Variants in GNAI1 observed in about 807,000 individuals in gnomAD.
GNAI1 encodes G protein subunit alpha i1.
Under a neutral mutation model 38.9 loss-of-function variants are expected in GNAI1, and 11 were observed. That is an observed-to-expected ratio of 0.28 (90% CI 0.18 to 0.47). The LOEUF is 0.47. Ranked by LOEUF, GNAI1 falls within the 20% of genes least tolerant of loss-of-function variation. GNAI1 has a pLI of 0.99. For synonymous variants in GNAI1, 166 were observed against 145.1 expected, an observed-to-expected ratio of 1.14 and a Z score of -1.04; for missense variants, 317 against 436.9, an observed-to-expected ratio of 0.73 and a Z score of 2.45.
intron 1 of GNAI1, among the ~76,000 whole-genome samples, chr7:80,175,729 A>G (rs1025347821): frequency 5.3e-5 from 8 of 152,080 alleles, no homozygotes; most frequent in African/African-American, 1.9e-4. Context: ...TTACTATTCT[A>G]ATTGTTTTAG....
At chr7:80,163,340 A>G (rs1459099465) in intron 1 of GNAI1, among the ~76,000 whole-genome samples, 2 of 152,202 alleles carry the variant, frequency 1.3e-5, no homozygotes, top group Non-Finnish European at 2.9e-5. Context: ...TACCAAATGC[A>G]GGTGTCTTCT....
chr7:80,190,992 A>T (rs1030652748), intron 3 of GNAI1, among the ~76,000 whole-genome samples: 3 of 151,752 alleles, frequency 2.0e-5, no homozygotes, highest in Non-Finnish European at 2.9e-5. Context: ...TTGGAATCTT[A>T]TGTGGGCCTG....
At chr7:80,186,264 C>T (rs1012489076) in intron 1 of GNAI1, among the ~76,000 whole-genome samples, 5 of 152,062 alleles carry the variant, frequency 3.3e-5, no homozygotes, top group African/African-American at 1.2e-4. Flanking sequence ...AACTCTTGTC[C>T]TCGTGATCTG....
At chr7:80,198,448 G>A (rs1482904581) in intron 3 of GNAI1, among the ~76,000 whole-genome samples, 1 of 152,080 alleles carries the variant, frequency 6.6e-6, no homozygotes. Context: ...TTGATTACTT[G>A]TGGATCAGAA....
At position 80,217,580 on chromosome 7, in the gene GNAI1, A is replaced by G. The variant is rs1243114839; in HGVS notation, c.*87A>G. On this transcript the variant is annotated 3_prime_UTR_variant, in exon 8 of 8. Coordinates refer to ENST00000649796, the MANE Select transcript of GNAI1 (RefSeq NM_002069.6). ...GTAGACTAGAGTCTTGCAGCAACAC[A>G]GAATGTAATATAAGGCAAATGCATC... 2 of 696,906 alleles carry G rather than the reference A, an allele frequency of 2.9e-6. No homozygotes were observed. Among genetic ancestry groups the G allele is most frequent in the African/African-American group, 1.8e-5 (1 of 54,528 alleles). 43.2% of individuals were successfully genotyped at this position (696,906 alleles called of 1,614,324 possible).
intron 1 of GNAI1, among the ~76,000 whole-genome samples, chr7:80,170,661 G>GGC (rs1205082191): frequency 1.4e-4 from 21 of 152,146 alleles, no homozygotes; most frequent in Non-Finnish European, 2.9e-5. Context: ...GGAAGAGAGA[G>GGC]GCGGGAGGTG....
At chr7:80,184,108 G>T (rs879741365) in intron 1 of GNAI1, among the ~76,000 whole-genome samples, 2 of 152,166 alleles carry the variant, frequency 1.3e-5, no homozygotes, top group Non-Finnish European at 2.9e-5. Context: ...CTGTGTGCCT[G>T]TTACCAGTAG....
chr7:80,168,289 A>G (rs1201358467), intron 1 of GNAI1, among the ~76,000 whole-genome samples: 1 of 152,218 alleles, frequency 6.6e-6, no homozygotes, highest in African/African-American at 2.4e-5. Flanking sequence ...ATTAGAAACA[A>G]GCCCCCCCAT....
chr7:80,192,928 A>T (rs1029022438), intron 3 of GNAI1, among the ~76,000 whole-genome samples: 4 of 151,342 alleles, frequency 2.6e-5, no homozygotes, highest in Non-Finnish European at 4.4e-5. Flanking sequence ...CGATCTCCTG[A>T]CCTCAGGCGA....
At chr7:80,138,794 T>C (rs1177586245) in intron 1 of GNAI1, among the ~76,000 whole-genome samples, 3 of 152,142 alleles carry the variant, frequency 2.0e-5, no homozygotes, top group Non-Finnish European at 2.9e-5. Context: ...CTCCCCCTCA[T>C]ATACAAAATT....
intron 3 of GNAI1, among the ~76,000 whole-genome samples, chr7:80,195,735 T>G (rs1584042524): frequency 6.6e-6 from 1 of 152,154 alleles, no homozygotes; most frequent in South Asian, 2.1e-4. Context: ...TTTAAACTCT[T>G]AATCTCATAC....
chr7:80,225,294 G>A lies in GNAI1; in HGVS notation c.*7801G>A, dbSNP rs865945485. Among the ~76,000 whole-genome samples the A allele has an allele frequency of 1.3e-5, 2 of 152,306 alleles. No homozygotes were observed. Among genetic ancestry groups the A allele is most frequent in the African/African-American group, 2.4e-5 (1 of 41,570 alleles). ...ATTTTAAGATCTATACTCTAAAACA[G>A]GGTTTTGAAATTAGCAGCTCTCTTT... On this transcript the variant is annotated 3_prime_UTR_variant, in exon 8 of 8. Coordinates refer to ENST00000649796, the MANE Select transcript of GNAI1 (RefSeq NM_002069.6).
rs915574825 is a variant in GNAI1, at chr7:80,218,449, AAAAC to A, written c.*957_*960del. 4.6e-5 allele frequency: 7 copies of A among 152,208 alleles called. No homozygotes were observed. The highest frequency in any genetic ancestry group is 1.7e-4 in the African/African-American group (7 of 41,546). 9.4% of individuals were successfully genotyped at this position (152,208 alleles called of 1,614,324 possible). On this transcript the variant is annotated 3_prime_UTR_variant, in exon 8 of 8. Transcript: ENST00000649796. Reference sequence around the variant, plus strand: ...TAAGAGCATTTTTGTGGGTAAAAAAAAAACCTGTGGACATAATGAATTTTGAGAC... The same window carrying A: ...TAAGAGCATTTTTGTGGGTAAAAAAACTGTGGACATAATGAATTTTGAGAC...
intron 1 of GNAI1, among the ~76,000 whole-genome samples, chr7:80,141,194 G>C (rs1787519390): frequency 6.6e-6 from 1 of 152,176 alleles, no homozygotes; most frequent in African/African-American, 2.4e-5. Flanking sequence ...GCCTTCCACA[G>C]TCCGCCCTCT....
At chr7:80,135,905 G>T in intron 1 of GNAI1, 1 of 985,412 alleles carries the variant, frequency 1.0e-6, no homozygotes, top group Non-Finnish European at 1.2e-6. Context: ...GATTTTTCTT[G>T]CTGTGGGGGC....
rs924093441 is a variant in GNAI1 at position 80,141,860 on chromosome 7, G to A, written c.118+6582G>A. The stretch of plus-strand genomic sequence containing the variant: ...AGGTCTGCTTTCCACGTAACTGCTG[G>A]ACTTAATTCAGCTAAGCTTTCTGCC... On this transcript the variant is annotated intron_variant, in intron 1 of 7. Coordinates refer to ENST00000649796, the MANE Select transcript of GNAI1 (RefSeq NM_002069.6). Among the ~76,000 whole-genome samples the A allele has an allele frequency of 4.6e-5, 7 of 152,220 alleles. No individual in the cohort carries two copies. The South Asian group carries it at 1.5e-3, about 32-fold the overall frequency.
intron 1 of GNAI1, among the ~76,000 whole-genome samples, chr7:80,182,646 G>A (rs915307572): frequency 6.6e-6 from 1 of 152,020 alleles, no homozygotes; most frequent in African/African-American, 2.4e-5. Context: ...CCCAACCCAG[G>A]AATCCTCTTT....
intron 3 of GNAI1, among the ~76,000 whole-genome samples, chr7:80,191,878 T>G (rs912146052): frequency 6.6e-6 from 1 of 152,214 alleles, no homozygotes; most frequent in African/African-American, 2.4e-5. Context: ...TCTCAACAAC[T>G]TAGGTGTTAT....
chr7:80,159,231 C>G (rs548584408), intron 1 of GNAI1, among the ~76,000 whole-genome samples: 6 of 152,116 alleles, frequency 3.9e-5, no homozygotes, highest in Non-Finnish European at 8.8e-5. Flanking sequence ...TGTTTGTTAG[C>G]AGTGCCCTTG....
Sources: allele counts gnomAD v4.1 joint callset (sites outside exome capture counted in the v4.1 genomes callset), GRCh38; gene constraint gnomAD v4.1.1; transcripts MANE v1.5; gene names NCBI Gene and HGNC (gene_info 2026-07-23, HGNC 2026-07-21).